The following OR51A4 variants were observed in gnomAD, a reference collection of about 807,000 sequenced individuals.
OR51A4 encodes olfactory receptor family 51 subfamily A member 4, also known as olfactory receptor 51A4.
For missense variants in OR51A4, 243 were observed against 364.0 expected (o/e 0.67, Z 2.70); for synonymous variants, 96 against 141.5 (o/e 0.68, Z 2.28).
At position 4,946,029 on chromosome 11, in the gene OR51A4, A is replaced by T; in HGVS notation, c.*130T>A. ...TTCTATTCTCATTCGCAGTATCCAG[A>T]GTGAATAAAATAACTCTATGACAAC... On this transcript the variant is annotated 3_prime_UTR_variant, in exon 2 of 2. Transcript: ENST00000641898. 1.2e-6 allele frequency: 1 copy of T among 829,218 alleles called. No individual in the cohort carries two copies. The allele number at this position is 829,218 out of a possible 1,614,324, so 51.4% of individuals were successfully genotyped here. A position where few individuals can be genotyped will look rare whatever the true frequency, so the allele number is the denominator to read the frequency against.
Position 4,942,896 on chromosome 11 carries a change from A to G in OR51A4, c.*3263T>C, listed in dbSNP as rs1185950998. 1 of 152,268 alleles carries G rather than the reference A, an allele frequency of 6.6e-6. No individual in the cohort carries two copies. Among genetic ancestry groups the G allele is most frequent in the Non-Finnish European group, 1.5e-5 (1 of 68,076 alleles). The allele number at this position is 152,268 out of a possible 1,614,324, so 9.4% of individuals were successfully genotyped here. A position where few individuals can be genotyped will look rare whatever the true frequency, so the allele number is the denominator to read the frequency against. ...AAATGGATTGGGTTGATTGTACACA[A>G]TTCAATATATTAAAGAATATTTTTT... On this transcript the variant is annotated 3_prime_UTR_variant, in exon 2 of 2. Coordinates refer to ENST00000641898, the MANE Select transcript of OR51A4 (RefSeq NM_001005329.2).
At position 4,944,221 on chromosome 11, in the gene OR51A4, G is replaced by A. The variant is rs985711663; in HGVS notation, c.*1938C>T. Reference sequence around the variant, plus strand: ...CTAGGATAGGTTTGTGAAAACATACGTAGTCCTGAATTTAAAAACTAAAAT... The same window carrying A: ...CTAGGATAGGTTTGTGAAAACATACATAGTCCTGAATTTAAAAACTAAAAT... On this transcript the variant is annotated 3_prime_UTR_variant, in exon 2 of 2. Transcript: ENST00000641898. The A allele has an allele frequency of 1.1e-4, 42 of 387,858 alleles. 3 individuals are homozygous for A. Among genetic ancestry groups the A allele is most frequent in the South Asian group, 3.3e-4 (17 of 51,784 alleles). The allele number at this position is 387,858 out of a possible 1,614,324, so 24.0% of individuals were successfully genotyped here. A position where few individuals can be genotyped will look rare whatever the true frequency, so the allele number is the denominator to read the frequency against.
Position 4,945,898 on chromosome 11 carries a change from C to T in OR51A4, c.*261G>A. The stretch of plus-strand genomic sequence containing the variant: ...GCTGTAAAAATTATCATTTTTCTGT[C>T]TTGGTTGTAATTTGTTGCTTGTATC... On this transcript the variant is annotated 3_prime_UTR_variant, in exon 2 of 2. Transcript: ENST00000641898. 4.3e-6 allele frequency: 2 copies of T among 464,542 alleles called. No individual in the cohort carries two copies. Among genetic ancestry groups the T allele is most frequent in the Non-Finnish European group, 7.7e-6 (2 of 258,184 alleles). The allele number at this position is 464,542 out of a possible 1,614,324, so 28.8% of individuals were successfully genotyped here. A position where few individuals can be genotyped will look rare whatever the true frequency, so the allele number is the denominator to read the frequency against.
chr11:4,945,386 T>A lies in OR51A4; in HGVS notation c.*773A>T, dbSNP rs1452747912. 1 of 152,172 alleles carries A rather than the reference T, an allele frequency of 6.6e-6. No homozygotes were observed. The highest frequency in any genetic ancestry group is 1.5e-5 in the Non-Finnish European group (1 of 68,050). The allele number at this position is 152,172 out of a possible 1,614,324, so 9.4% of individuals were successfully genotyped here. A position where few individuals can be genotyped will look rare whatever the true frequency, so the allele number is the denominator to read the frequency against. ...GTTGATGTGGCTGGAGATTAATGAG[T>A]ATCTGACGACGTTGAGTAAGTAGAA... On this transcript the variant is annotated 3_prime_UTR_variant, in exon 2 of 2. Transcript: ENST00000641898.
In OR51A4 at chr11:4,943,607, A is replaced by G. The variant is rs1846249021; in HGVS notation, c.*2552T>C. 2 of 390,306 alleles carry G rather than the reference A, an allele frequency of 5.1e-6. No homozygotes were observed. The highest frequency in any genetic ancestry group is 4.2e-5 in the African/African-American group (2 of 47,948). 24.2% of individuals were successfully genotyped at this position (390,306 alleles called of 1,614,324 possible). ...GGCCTCTAATCAGTGGAAGTCAGTG[A>G]CACACCCACACCCCCAGGTTGCAAC... is the stretch of plus-strand genomic sequence containing the variant. On this transcript the variant is annotated 3_prime_UTR_variant, in exon 2 of 2. Transcript: ENST00000641898.
Position 4,946,733 on chromosome 11 carries a change from T to C in OR51A4, c.368A>G (p.Asp123Gly), listed in dbSNP as rs1846315176. 2.5e-6 allele frequency: 4 copies of C among 1,589,372 alleles called. 1 individual carries two copies. The Admixed American group carries it at 5.1e-5, about 20-fold the overall frequency. Reference sequence around the variant, plus strand: ...AGGGTTGTGGATGGCTAGGAATCTATCAAATGACATGATCAGGAGGACTGA... The same window carrying C: ...AGGGTTGTGGATGGCTAGGAATCTACCAAATGACATGATCAGGAGGACTGA... The part of the protein sequence containing the change: ...ESSVLLIMSF[D>G]RFLAIHNPLR... Residue 123 changes from aspartate (D) to glycine (G), a missense_variant, in exon 2 of 2, where the codon GAT becomes GGT. Asp to Gly is a moderately conservative substitution (Grantham distance 94). Coordinates refer to ENST00000641898, the MANE Select transcript of OR51A4 (RefSeq NM_001005329.2).
rs1372576301 is a variant in OR51A4, at chr11:4,947,063, G to A, written c.38C>T (p.Thr13Ile). ...IINTSYVEIT[T>I]FFLVGMPGLE... ...CCCTGGCATCCCAACCAAGAAGAAG[G>A]TGGTGATTTCAACATATGATGTGTT... Residue 13 changes from threonine to isoleucine, a missense_variant, in exon 2 of 2, where the codon ACC becomes ATC. Physicochemically the swap from Thr to Ile is moderately conservative, Grantham distance 89 (BLOSUM62 -1). Coordinates refer to ENST00000641898, the MANE Select transcript of OR51A4 (RefSeq NM_001005329.2). 1 of 1,558,758 alleles carries A rather than the reference G, an allele frequency of 6.4e-7. No homozygotes were observed. The highest frequency in any genetic ancestry group is 1.4e-5 in the African/African-American group (1 of 70,140).
Position 4,943,019 on chromosome 11 carries a change from G to A in OR51A4, c.*3140C>T, listed in dbSNP as rs1011066720. The A allele has an allele frequency of 1.3e-5, 2 of 152,568 alleles. No individual in the cohort carries two copies. Among genetic ancestry groups the A allele is most frequent in the Admixed American group, 6.5e-5 (1 of 15,302 alleles). 9.5% of individuals were successfully genotyped at this position (152,568 alleles called of 1,614,324 possible). A position where few individuals can be genotyped will look rare whatever the true frequency, so the allele number is the denominator to read the frequency against. On this transcript the variant is annotated 3_prime_UTR_variant, in exon 2 of 2. Transcript: ENST00000641898. ...TTAAAAATTACAGTATTGTTCTCATGTAACTCCTATATCATACAGGCATAT... is the reference window on the plus strand; with the variant it reads ...TTAAAAATTACAGTATTGTTCTCATATAACTCCTATATCATACAGGCATAT...
chr11:4,945,531 T>G lies in OR51A4; in HGVS notation c.*628A>C, dbSNP rs1343526925. ...CACATTCAATTTGCCTATAGATTAC[T>G]CTTGCATTTCATTGTGAATCAATTA... On this transcript the variant is annotated 3_prime_UTR_variant, in exon 2 of 2. Coordinates refer to ENST00000641898, the MANE Select transcript of OR51A4 (RefSeq NM_001005329.2). The G allele has an allele frequency of 6.5e-6, 1 of 154,358 alleles. No individual in the cohort carries two copies. The highest frequency in any genetic ancestry group is 1.4e-5 in the Non-Finnish European group (1 of 69,426). The allele number at this position is 154,358 out of a possible 1,614,324, so 9.6% of individuals were successfully genotyped here. A position where few individuals can be genotyped will look rare whatever the true frequency, so the allele number is the denominator to read the frequency against.
rs1251894262 is a variant in OR51A4, at chr11:4,945,755, AT to A, written c.*403del. 8.7e-6 allele frequency: 2 copies of A among 230,148 alleles called. No homozygotes were observed. The highest frequency in any genetic ancestry group is 1.7e-5 in the Non-Finnish European group (2 of 117,448). 14.3% of individuals were successfully genotyped at this position (230,148 alleles called of 1,614,324 possible). A position where few individuals can be genotyped will look rare whatever the true frequency, so the allele number is the denominator to read the frequency against. ...GAATATAAATGATTAAATTAAAAAAATGGTTGTATTCTAAGATGATTAAAAT... is the reference window on the plus strand; with the variant it reads ...GAATATAAATGATTAAATTAAAAAAAGGTTGTATTCTAAGATGATTAAAAT... On this transcript the variant is annotated 3_prime_UTR_variant, in exon 2 of 2. Coordinates refer to ENST00000641898, the MANE Select transcript of OR51A4 (RefSeq NM_001005329.2).
chr11:4,947,086 G>T lies in OR51A4; in HGVS notation c.15C>A (p.Asn5Lys). Residue 5 changes from asparagine to lysine, a missense_variant, in exon 2 of 2, where the codon AAC (asparagine) becomes AAA (lysine). Transcript: ENST00000641898. ...AGGTGGTGATTTCAACATATGATGT[G>T]TTGATAATGGACATGATTCATTCAT... MSII[N>K]TSYVEITTFF... 1 of 1,471,524 alleles carries T rather than the reference G, an allele frequency of 6.8e-7. No homozygotes were observed. The highest frequency in any genetic ancestry group is 9.4e-7 in the Non-Finnish European group (1 of 1,066,758). 91.2% of individuals were successfully genotyped at this position (1,471,524 alleles called of 1,614,324 possible). A position where few individuals can be genotyped will look rare whatever the true frequency, so the allele number is the denominator to read the frequency against.
At position 4,944,937 on chromosome 11, in the gene OR51A4, T is replaced by C. The variant is rs1310617170; in HGVS notation, c.*1222A>G. On this transcript the variant is annotated 3_prime_UTR_variant, in exon 2 of 2. Transcript: ENST00000641898. ...TGGTCTTATTTTTAAATTCATTCAT[T>C]AGCAATTATTTATTAAAATCTACTC... 6.6e-6 allele frequency: 1 copy of C among 152,128 alleles called. No homozygotes were observed. Among genetic ancestry groups the C allele is most frequent in the African/African-American group, 2.4e-5 (1 of 41,428 alleles). The allele number at this position is 152,128 out of a possible 1,614,324, so 9.4% of individuals were successfully genotyped here.
Position 4,944,155 on chromosome 11 carries a change from G to C in OR51A4, c.*2004C>G. 1 of 453,040 alleles carries C rather than the reference G, an allele frequency of 2.2e-6. No homozygotes were observed. The highest frequency in any genetic ancestry group is 1.6e-5 in the South Asian group (1 of 63,700). The allele number at this position is 453,040 out of a possible 1,614,324, so 28.1% of individuals were successfully genotyped here. A position where few individuals can be genotyped will look rare whatever the true frequency, so the allele number is the denominator to read the frequency against. ...GATACAGTTATGCACCTCAAACATAGGAACAGTTCTTGCCCTGATCTGATG... is the reference window on the plus strand; with the variant it reads ...GATACAGTTATGCACCTCAAACATACGAACAGTTCTTGCCCTGATCTGATG... On this transcript the variant is annotated 3_prime_UTR_variant, in exon 2 of 2. Coordinates refer to ENST00000641898, the MANE Select transcript of OR51A4 (RefSeq NM_001005329.2).
chr11:4,946,003 G>T lies in OR51A4; in HGVS notation c.*156C>A, dbSNP rs1008646812. 5 of 717,076 alleles carry T rather than the reference G, an allele frequency of 7.0e-6. No homozygotes were observed. In the African/African-American group the frequency reaches 7.2e-5, roughly 10 times the overall value. 44.4% of individuals were successfully genotyped at this position (717,076 alleles called of 1,614,324 possible). A position where few individuals can be genotyped will look rare whatever the true frequency, so the allele number is the denominator to read the frequency against. ...TAAGGCAACGTACTTCCTGTTTATAGTTCTATTCTCATTCGCAGTATCCAG... is the reference window on the plus strand; with the variant it reads ...TAAGGCAACGTACTTCCTGTTTATATTTCTATTCTCATTCGCAGTATCCAG... On this transcript the variant is annotated 3_prime_UTR_variant, in exon 2 of 2. Coordinates refer to ENST00000641898, the MANE Select transcript of OR51A4 (RefSeq NM_001005329.2).
In OR51A4 at chr11:4,946,183, T is replaced by G; in HGVS notation, c.918A>C (p.Ala306=). The G allele has an allele frequency of 6.2e-7, 1 of 1,614,006 alleles. No homozygotes were observed. The highest frequency in any genetic ancestry group is 1.1e-5 in the South Asian group (1 of 91,078). ...GTTAAATCTTCCGTTGACACAATTT[T>G]GCTACAACTCTCACTCTAATCTGTT... ...KTKQIRVRVV[A]KLCQRKI The change falls in exon 2 of 2, where the codon GCA becomes GCC. Residue 306 remains alanine (A), a synonymous_variant. Coordinates refer to ENST00000641898, the MANE Select transcript of OR51A4 (RefSeq NM_001005329.2).
chr11:4,945,933 A>G lies in OR51A4; in HGVS notation c.*226T>C, dbSNP rs1203437671. 2 of 545,114 alleles carry G rather than the reference A, an allele frequency of 3.7e-6. No individual in the cohort carries two copies. The highest frequency in any genetic ancestry group is 4.4e-5 in the South Asian group (2 of 45,922). The allele number at this position is 545,114 out of a possible 1,614,324, so 33.8% of individuals were successfully genotyped here. A position where few individuals can be genotyped will look rare whatever the true frequency, so the allele number is the denominator to read the frequency against. ...ATTTGTTGCTTGTATCGGAGATGCTATCATAAGACATTTATTTTTATTCTG... is the reference window on the plus strand; with the variant it reads ...ATTTGTTGCTTGTATCGGAGATGCTGTCATAAGACATTTATTTTTATTCTG... On this transcript the variant is annotated 3_prime_UTR_variant, in exon 2 of 2. Coordinates refer to ENST00000641898, the MANE Select transcript of OR51A4 (RefSeq NM_001005329.2).
chr11:4,943,620 C>T lies in OR51A4; in HGVS notation c.*2539G>A. 2.7e-6 allele frequency: 1 copy of T among 374,226 alleles called. No homozygotes were observed. Among genetic ancestry groups the T allele is most frequent in the South Asian group, 2.1e-5 (1 of 48,500 alleles). 23.2% of individuals were successfully genotyped at this position (374,226 alleles called of 1,614,324 possible). A position where few individuals can be genotyped will look rare whatever the true frequency, so the allele number is the denominator to read the frequency against. Reference sequence around the variant, plus strand: ...TGGAAGTCAGTGACACACCCACACCCCCAGGTTGCAACAACCGAAGATGTC... The same window carrying T: ...TGGAAGTCAGTGACACACCCACACCTCCAGGTTGCAACAACCGAAGATGTC... On this transcript the variant is annotated 3_prime_UTR_variant, in exon 2 of 2. Transcript: ENST00000641898.
rs1160572115 is a variant in OR51A4 at position 4,947,139 on chromosome 11, C to G, written c.-39G>C. The G allele has an allele frequency of 7.7e-6, 9 of 1,166,652 alleles. 2 individuals carry two copies. The highest frequency in any genetic ancestry group is 1.1e-5 in the Non-Finnish European group (9 of 841,290). The allele number at this position is 1,166,652 out of a possible 1,614,324, so 72.3% of individuals were successfully genotyped here. A position where few individuals can be genotyped will look rare whatever the true frequency, so the allele number is the denominator to read the frequency against. ...GGCTCTGCTATGAAAAATACAGATG[C>G]TTGTGTTGGTAAAATAGGAATATCT... On this transcript the variant is annotated 5_prime_UTR_variant, in exon 2 of 2. Coordinates refer to ENST00000641898, the MANE Select transcript of OR51A4 (RefSeq NM_001005329.2).
At position 4,944,905 on chromosome 11, in the gene OR51A4, A is replaced by T. The variant is rs1308551815; in HGVS notation, c.*1254T>A. The T allele has an allele frequency of 6.6e-6, 1 of 152,168 alleles. No homozygotes were observed. The highest frequency in any genetic ancestry group is 1.9e-4 in the East Asian group (1 of 5,194). The allele number at this position is 152,168 out of a possible 1,614,324, so 9.4% of individuals were successfully genotyped here. A position where few individuals can be genotyped will look rare whatever the true frequency, so the allele number is the denominator to read the frequency against. ...AACTCCTCAGTGAACATCTTTTTCA[A>T]CAAACATGGTCTTATTTTTAAATTC... On this transcript the variant is annotated 3_prime_UTR_variant, in exon 2 of 2. Transcript: ENST00000641898.
Sources: gnomAD v4.1 joint callset for allele counts on GRCh38, gnomAD v4.1.1 for gene constraint, MANE v1.5 for transcripts, NCBI Gene and HGNC (gene_info 2026-07-23, HGNC 2026-07-21) for gene names.